The following CDC14A variants were observed in gnomAD, a reference collection of about 807,000 sequenced individuals.
CDC14A encodes the protein cell division cycle 14A.
In CDC14A, 53 loss-of-function variants were observed where a neutral mutation model predicts 74.4. That is an observed-to-expected ratio of 0.71 (90% CI 0.57 to 0.89). The LOEUF is 0.89. CDC14A is among the 40% of genes least tolerant of loss of function. The probability of loss-of-function intolerance (pLI) is 0.00; values close to 1 mark genes in which losing one functional copy is unlikely to be tolerated. For missense variants in CDC14A, 646 were observed against 713.7 expected, an observed-to-expected ratio of 0.91 and a Z score of 1.08; for synonymous variants, 247 against 258.4, an observed-to-expected ratio of 0.96 and a Z score of 0.43.
intron 6 of CDC14A, among the ~76,000 whole-genome samples, chr1:100,441,168 G>A (rs907375196): frequency 1.3e-5 from 2 of 152,126 alleles, no homozygotes; most frequent in Non-Finnish European, 2.9e-5. Flanking sequence ...CTGGAATATC[G>A]CTGCCTGTAA....
In CDC14A at chr1:100,489,768, A is replaced by T. The variant is rs148691253; in HGVS notation, c.1138-5050A>T. The stretch of plus-strand genomic sequence containing the variant: ...GACCCCTTTCCTGTGGGGGACAAAG[A>T]TAGGAGGGTCTTCCCTGGACTAGGT... On this transcript the variant is annotated intron_variant, in intron 11 of 15. Transcript: ENST00000336454. Among the ~76,000 whole-genome samples the T allele has an allele frequency of 2.6e-5, 4 of 152,240 alleles. No individual in the cohort carries two copies. In the East Asian group the frequency reaches 7.7e-4, roughly 29 times the overall value.
chr1:100,408,853 A>C (rs946100190), intron 4 of CDC14A, among the ~76,000 whole-genome samples: 6 of 152,188 alleles, frequency 3.9e-5, no homozygotes, highest in Non-Finnish European at 8.8e-5. Context: ...TATGTTGGGG[A>C]CATTCAATAT....
chr1:100,391,441 T>G (rs1176334971), intron 4 of CDC14A, among the ~76,000 whole-genome samples: 1 of 152,210 alleles, frequency 6.6e-6, no homozygotes, highest in Non-Finnish European at 1.5e-5. Context: ...CTGTAGAGTT[T>G]TAGGTGGTGA....
chr1:100,463,213 G>T (rs1405557202), intron 9 of CDC14A, among the ~76,000 whole-genome samples: 4 of 152,146 alleles, frequency 2.6e-5, no homozygotes, highest in Admixed American at 2.6e-4. Context: ...CAAGAGACAA[G>T]GGTTGTTAGT....
At chr1:100,459,222 G>A (rs533158868) in intron 8 of CDC14A, among the ~76,000 whole-genome samples, 46 of 152,116 alleles carry the variant, frequency 3.0e-4, no homozygotes, top group African/African-American at 1.0e-3. Flanking sequence ...CCAGTGTCCC[G>A]TTTAGTAAAG....
chr1:100,414,285 G>GTAGA (rs2101050870), intron 4 of CDC14A, among the ~76,000 whole-genome samples: 1 of 149,868 alleles, frequency 6.7e-6, no homozygotes, highest in African/African-American at 2.5e-5. Flanking sequence ...GGGCAACATA[G>GTAGA]TAGACCCCAT....
At position 100,352,954 on chromosome 1, in the gene CDC14A, G is replaced by A. The variant is rs746004047; in HGVS notation, c.-1G>A. ...CCTCCCCCGTGCGTATCTCGCTTAAGATGGCAGCGGAGTCAGGGGAACTAA... is the reference window on the plus strand; with the variant it reads ...CCTCCCCCGTGCGTATCTCGCTTAAAATGGCAGCGGAGTCAGGGGAACTAA... On this transcript the variant is annotated 5_prime_UTR_variant, in exon 1 of 16. Transcript: ENST00000336454. 2.5e-6 allele frequency: 4 copies of A among 1,614,046 alleles called. No individual in the cohort carries two copies. The highest frequency in any genetic ancestry group is 1.7e-5 in the Admixed American group (1 of 60,036).
At chr1:100,405,940 T>C (rs1659883586) in intron 4 of CDC14A, among the ~76,000 whole-genome samples, 1 of 152,212 alleles carries the variant, frequency 6.6e-6, no homozygotes, top group Non-Finnish European at 1.5e-5. Flanking sequence ...TCTAGGTCTT[T>C]GAGGAATCGC....
intron 4 of CDC14A, among the ~76,000 whole-genome samples, chr1:100,420,063 C>CACACATATATATATATATATAT: frequency 1.2e-3 from 74 of 61,576 alleles, no homozygotes; most frequent in Middle Eastern, 0.013. Flanking sequence ...CACACACACA[C>CACACATATATATATATATATAT]ATATATATAT....
chr1:100,483,198 ACTCCCACCAACAGTGTATAAGTGTTC>A (rs1669672128), intron 10 of CDC14A, among the ~76,000 whole-genome samples: 2 of 152,002 alleles, frequency 1.3e-5, no homozygotes, highest in Admixed American at 1.3e-4. Context: ...ACTAATTTAC[ACTCCCACCAACAGTGTATAAGTGTTC>A]CTTTCTCTCT....
chr1:100,416,323 G>C (rs1486068082), intron 4 of CDC14A, among the ~76,000 whole-genome samples: 1 of 152,150 alleles, frequency 6.6e-6, no homozygotes, highest in Non-Finnish European at 1.5e-5. Context: ...TACAGTGCTA[G>C]TAACAGTAAC....
intron 4 of CDC14A, among the ~76,000 whole-genome samples, chr1:100,410,699 A>G (rs77908110): frequency 0.016 from 2,387 of 152,366 alleles, 38 homozygotes; most frequent in African/African-American, 0.04. Context: ...ATTAGACTTT[A>G]CACATGTGTA....
intron 15 of CDC14A, 37 bp downstream of exon 15, chr1:100,499,299 C>T: frequency 6.2e-7 from 1 of 1,614,156 alleles, no homozygotes; most frequent in Non-Finnish European, 8.5e-7. Flanking sequence ...TCCTCAGAAC[C>T]CTGAATGCAA....
intron 4 of CDC14A, among the ~76,000 whole-genome samples, chr1:100,397,703 A>G (rs566189387): frequency 1.3e-5 from 2 of 152,010 alleles, no homozygotes; most frequent in Non-Finnish European, 1.5e-5. Flanking sequence ...TTTTTCTGTT[A>G]TGTGGAGGAT....
chr1:100,350,890 T>C (rs996087003), upstream of CDC14A, among the ~76,000 whole-genome samples: 1 of 152,234 alleles, frequency 6.6e-6, no homozygotes, highest in Non-Finnish European at 1.5e-5. Context: ...ATACTAGATT[T>C]TTTTTCAATA....
At chr1:100,455,712 A>G (rs1364065064) in intron 8 of CDC14A, among the ~76,000 whole-genome samples, 1 of 152,238 alleles carries the variant, frequency 6.6e-6, no homozygotes, top group Non-Finnish European at 1.5e-5. Flanking sequence ...TTAGCTTGCC[A>G]TAAATAGGAT....
At chr1:100,516,562 C>G (rs2074171915) in intron 15 of CDC14A, among the ~76,000 whole-genome samples, 1 of 152,158 alleles carries the variant, frequency 6.6e-6, no homozygotes, top group South Asian at 2.1e-4. Flanking sequence ...TACACACACA[C>G]ACATACACGC....
intron 10 of CDC14A, among the ~76,000 whole-genome samples, chr1:100,483,440 G>A (rs1055155507): frequency 4.4e-4 from 67 of 152,026 alleles, no homozygotes; most frequent in African/African-American, 1.2e-3. Flanking sequence ...TACTGGTGGC[G>A]TCTCCTTGAT....
intron 2 of CDC14A, among the ~76,000 whole-genome samples, chr1:100,357,576 G>A (rs896996852): frequency 3.3e-5 from 5 of 152,066 alleles, no homozygotes; most frequent in African/African-American, 1.2e-4. Context: ...ACAGGCCTTT[G>A]TACTGTGTAA....
Sources: allele counts gnomAD v4.1 joint callset (sites outside exome capture counted in the v4.1 genomes callset), GRCh38; gene constraint gnomAD v4.1.1; transcripts MANE v1.5; gene names NCBI Gene and HGNC (gene_info 2026-07-23, HGNC 2026-07-21).